Variants in RASEF observed in about 807,000 individuals in gnomAD.
RASEF encodes RAS and EF-hand domain containing.
A neutral mutation model predicts 90.1 loss-of-function variants in RASEF; 68 were observed. The observed-to-expected ratio is 0.75, with a 90% CI of 0.62 to 0.92. The LOEUF (loss-of-function observed/expected upper bound fraction) is 0.92, where lower values mean the gene tolerates loss of function less well. Among genes scored for constraint, RASEF ranks in the 40% least tolerant of loss-of-function variants. The pLI is 0.00. For missense variants in RASEF, 949 were observed against 937.2 expected, an observed-to-expected ratio of 1.01 and a Z score of -0.16; for synonymous variants, 331 against 345.2, an observed-to-expected ratio of 0.96 and a Z score of 0.46.
At chr9:83,129,920 T>A in the RASEF span, among the ~76,000 whole-genome samples, 2 of 152,218 alleles carry the variant, frequency 1.3e-5, no homozygotes, top group Non-Finnish European at 2.9e-5. Flanking sequence ...CATAATAGAT[T>A]TTATTTTGTT....
At chr9:83,150,711 T>C in the RASEF span, among the ~76,000 whole-genome samples, 2 of 152,172 alleles carry the variant, frequency 1.3e-5, no homozygotes, top group East Asian at 3.8e-4. Flanking sequence ...CCATAATAAA[T>C]GTTAAACATA....
the RASEF span, among the ~76,000 whole-genome samples, chr9:83,133,993 G>A: frequency 1.3e-5 from 2 of 152,114 alleles, no homozygotes; most frequent in South Asian, 2.1e-4. Flanking sequence ...ACTTATCGAA[G>A]CAAATCACTT....
the RASEF span, among the ~76,000 whole-genome samples, chr9:83,184,486 C>G: frequency 6.6e-6 from 1 of 152,146 alleles, no homozygotes; most frequent in Non-Finnish European, 1.5e-5. Context: ...ATCACACACC[C>G]CTACGTGGTT....
chr9:83,060,440 T>C (rs1830183405), intron 1 of RASEF, among the ~76,000 whole-genome samples: 1 of 152,212 alleles, frequency 6.6e-6, no homozygotes, highest in Non-Finnish European at 1.5e-5. Flanking sequence ...AAATGTTTCA[T>C]CCACACCATG....
chr9:83,088,067 T>G, the RASEF span, among the ~76,000 whole-genome samples: 3 of 152,144 alleles, frequency 2.0e-5, no homozygotes, highest in Non-Finnish European at 2.9e-5. Context: ...TATTTTAGTT[T>G]CTAATTTCAA....
At chr9:83,049,007 C>T (rs1193745089) in intron 1 of RASEF, among the ~76,000 whole-genome samples, 1 of 151,820 alleles carries the variant, frequency 6.6e-6, no homozygotes, top group East Asian at 1.9e-4. Context: ...GTCTGTAATC[C>T]CAGCTACTCG....
chr9:83,011,477 A>C (rs551031934), intron 5 of RASEF, among the ~76,000 whole-genome samples: 1 of 141,284 alleles, frequency 7.1e-6, no homozygotes, highest in East Asian at 2.4e-4. Flanking sequence ...ACTTGAACCC[A>C]GGAGATGGAG....
At chr9:83,085,362 A>C in the RASEF span, among the ~76,000 whole-genome samples, 1 of 152,228 alleles carries the variant, frequency 6.6e-6, no homozygotes, top group African/African-American at 2.4e-5. Context: ...GGTGGGACAC[A>C]GTGGCTCACG....
intron 1 of RASEF, among the ~76,000 whole-genome samples, chr9:83,061,670 G>GAT (rs1830202013): frequency 6.6e-6 from 1 of 152,156 alleles, no homozygotes; most frequent in South Asian, 2.1e-4. Context: ...CTTACCTCCT[G>GAT]ATAATTAAGT....
chr9:83,141,395 G>A, the RASEF span, among the ~76,000 whole-genome samples: 1 of 152,104 alleles, frequency 6.6e-6, no homozygotes, highest in African/African-American at 2.4e-5. Context: ...CTCATCAGTT[G>A]TCATTGACAT....
the RASEF span, among the ~76,000 whole-genome samples, chr9:83,113,761 C>A: frequency 3.3e-5 from 5 of 152,102 alleles, no homozygotes; most frequent in Non-Finnish European, 5.9e-5. Context: ...CTAGTCAGAC[C>A]GGTTCTCTGC....
intron 13 of RASEF, 107 bp downstream of exon 13, chr9:82,998,258 A>G (rs1344229481): frequency 3.1e-6 from 2 of 638,912 alleles, no homozygotes; most frequent in African/African-American, 1.8e-5. Context: ...ATATAATTAT[A>G]AAGTATGTTA....
chr9:83,012,505 C>G lies in RASEF; in HGVS notation c.772G>C (p.Glu258Gln), dbSNP rs1300171809. 5 of 1,581,784 alleles carry G rather than the reference C, an allele frequency of 3.2e-6. No individual in the cohort carries two copies. The South Asian group carries it at 5.8e-5, about 18-fold the overall frequency. Residue 258 changes from glutamate (E) to glutamine (Q), a missense_variant, in exon 5 of 17, where the codon GAA becomes CAA. Glu to Gln is a conservative substitution (Grantham distance 29). This residue lies in a region of RASEF where 656 missense variants were observed against 592.2 expected (regional missense o/e 1.11). Transcript: ENST00000376447. ...VTIKKLRKLE[E>Q]QSKRVSQKED... ...TTTTGACTTACGCGTTTTGATTGTTCTTCGAGCTGAAAGACCAAATAAAAG... is the reference window on the plus strand; with the variant it reads ...TTTTGACTTACGCGTTTTGATTGTTGTTCGAGCTGAAAGACCAAATAAAAG...
intron 15 of RASEF, among the ~76,000 whole-genome samples, chr9:82,990,722 T>C (rs927748100): frequency 6.6e-6 from 1 of 152,220 alleles, no homozygotes; most frequent in Non-Finnish European, 1.5e-5. Flanking sequence ...TGAAGGTTTT[T>C]ATTTCCAACA....
At chr9:83,001,405 G>T (rs537340012) in intron 9 of RASEF, among the ~76,000 whole-genome samples, 1 of 152,034 alleles carries the variant, frequency 6.6e-6, no homozygotes, top group Admixed American at 6.6e-5. Context: ...GATACAAAAA[G>T]AATTAGAGTA....
the RASEF span, among the ~76,000 whole-genome samples, chr9:83,145,773 A>C: frequency 6.6e-6 from 1 of 152,134 alleles, no homozygotes; most frequent in East Asian, 1.9e-4. Context: ...AGGTTAGTTT[A>C]CCAAATAAAA....
chr9:82,992,956 T>A lies in RASEF; in HGVS notation c.1990A>T (p.Thr664Ser). Residue 664 changes from threonine (T) to serine (S), a missense_variant, in exon 15 of 17, where the codon ACA (threonine) becomes TCA (serine). This residue lies in a region of RASEF where 288 missense variants were observed against 328.4 expected (regional missense o/e 0.88). Transcript: ENST00000376447. ...NKADIRDTAA[T>S]EGQKCVPGHF... ...CCTGGGACACATTTTTGTCCCTCTG[T>A]AGCAGCAGTGTCACGAATGTCAGCC... 6.2e-7 allele frequency: 1 copy of A among 1,613,934 alleles called. No individual in the cohort carries two copies. The highest frequency in any genetic ancestry group is 8.5e-7 in the Non-Finnish European group (1 of 1,179,884).
At chr9:83,109,532 T>C in the RASEF span, among the ~76,000 whole-genome samples, 1 of 152,180 alleles carries the variant, frequency 6.6e-6, no homozygotes, top group South Asian at 2.1e-4. Context: ...GACCAATTCC[T>C]GAATAATAAG....
chr9:83,113,459 C>T, the RASEF span, among the ~76,000 whole-genome samples: 1 of 152,142 alleles, frequency 6.6e-6, no homozygotes, highest in Non-Finnish European at 1.5e-5. Flanking sequence ...TTTCAGGGAA[C>T]AAGGGAAGAT....
Sources: allele counts gnomAD v4.1 joint callset (sites outside exome capture counted in the v4.1 genomes callset), GRCh38; gene constraint gnomAD v4.1.1; regional missense constraint gnomAD v4.1.1; transcripts MANE v1.5; gene names NCBI Gene and HGNC (gene_info 2026-07-23, HGNC 2026-07-21).